ITPR3: variants seen among roughly 807,000 people sequenced by gnomAD.
The protein encoded by ITPR3 is inositol 1,4,5-trisphosphate receptor type 3.
Under a neutral mutation model 293.2 loss-of-function variants are expected in ITPR3, and 173 were observed. The ratio of observed to expected loss-of-function variants is 0.59; its 90% confidence interval spans 0.52 to 0.67. ITPR3 has a LOEUF of 0.67. Among genes scored for constraint, ITPR3 ranks in the 30% least tolerant of loss-of-function variants. ITPR3 has a pLI of 0.00. For missense variants in ITPR3, 2,796 were observed against 3,592.1 expected (o/e 0.78, Z 5.66); for synonymous variants, 1,295 against 1,444.4 (o/e 0.90, Z 2.35).
At position 33,691,607 on chromosome 6, in the gene ITPR3, C is replaced by G; in HGVS notation, c.7226-8C>G. ...ACCTCCTGATGATCTCATCCATATC[C>G]CCTCCAGCCAGCCCCCTGGGGATGC... On this transcript the variant is annotated splice_region_variant and splice_polypyrimidine_tract_variant and intron_variant, in intron 52 of 57. Transcript: ENST00000605930. This position sits in a 1 kb window ranked among gnomAD's most constrained non-coding sequence, Gnocchi z 4.9. 1 of 1,612,372 alleles carries G rather than the reference C, an allele frequency of 6.2e-7. No individual in the cohort carries two copies.
At position 33,684,667 on chromosome 6, in the gene ITPR3, C is replaced by A; in HGVS notation, c.5116C>A (p.Leu1706Ile). 6.2e-7 allele frequency: 1 copy of A among 1,614,066 alleles called. No homozygotes were observed. Among genetic ancestry groups the A allele is most frequent in the South Asian group, 1.1e-5 (1 of 91,074 alleles). Reference sequence around the variant, plus strand: ...CCGGAAGTCCACCTCGCGGGGGGACCTTCCCGACCCCATAGGCACTGGTCA... The same window carrying A: ...CCGGAAGTCCACCTCGCGGGGGGACATTCCCGACCCCATAGGCACTGGTCA... Reference protein sequence around the residue: ...QNRKSTSRGDLPDPIGTGLDP... With the variant: ...QNRKSTSRGDIPDPIGTGLDP... The change falls in exon 38 of 58, where the codon CTT becomes ATT. Residue 1706 changes from leucine (L) to isoleucine (I), a missense_variant. Coordinates refer to ENST00000605930, the MANE Select transcript of ITPR3 (RefSeq NM_002224.4). The surrounding 1 kb of genome is among the most constrained non-coding windows in gnomAD (Gnocchi z 4.2).
In ITPR3 at chr6:33,692,766, G is replaced by A. The variant is rs1561884818; in HGVS notation, c.7497G>A (p.Leu2499=). 6 of 1,613,986 alleles carry A rather than the reference G, an allele frequency of 3.7e-6. No individual in the cohort carries two copies. The highest frequency in any genetic ancestry group is 1.1e-5 in the South Asian group (1 of 91,076). The change falls in exon 55 of 58, where the codon CTG becomes CTA. Residue 2499 remains leucine (L), a synonymous_variant. Coordinates refer to ENST00000605930, the MANE Select transcript of ITPR3 (RefSeq NM_002224.4). This position sits in a 1 kb window ranked among gnomAD's most constrained non-coding sequence, Gnocchi z 4.2. Reference sequence around the variant, plus strand: ...CAGCCCGAGTGGTCTATGACCTCCTGTTCTTCTTCATCGTCATCATCATTG... The same window carrying A: ...CAGCCCGAGTGGTCTATGACCTCCTATTCTTCTTCATCGTCATCATCATTG... ...LFPARVVYDL[L]FFFIVIIIVL...
intron 56 of ITPR3, chr6:33,694,507 C>A: frequency 4.2e-6 from 1 of 240,744 alleles, no homozygotes; most frequent in South Asian, 4.6e-5. Context: ...AATTTGCCAT[C>A]TGTCTGACTC....
Position 33,671,285 on chromosome 6 carries a change from C to G in ITPR3, c.2707C>G (p.Gln903Glu), listed in dbSNP as rs774978845. The change falls in exon 21 of 58, where the codon CAG (glutamine) becomes GAG (glutamate). Residue 903 changes from glutamine to glutamate, a missense_variant. Transcript: ENST00000605930. ...TGTGCAGGGGCCCCCGGCCATGCTG[C>G]AGGCCTATGAGGACCCCGGTGGTGA... ...DCVQGPPAML[Q>E]AYEDPGGKNV... 3.1e-6 allele frequency: 5 copies of G among 1,613,114 alleles called. No individual in the cohort carries two copies. The African/African-American group carries it at 6.7e-5, about 22-fold the overall frequency.
intron 1 of ITPR3, among the ~76,000 whole-genome samples, chr6:33,622,122 T>C (rs888157295): frequency 1.3e-5 from 2 of 152,100 alleles, no homozygotes; most frequent in Non-Finnish European, 2.9e-5. Context: ...AATCCTCTAT[T>C]ACCGATCCCG....
chr6:33,694,404 C>CCG (rs866898), intron 56 of ITPR3: 1 of 131,120 alleles, frequency 7.6e-6, no homozygotes, highest in Non-Finnish European at 1.8e-5. Context: ...GGTGCCCCCT[C>CCG]CCCCCCCGAC....
chr6:33,664,969 G>A lies in ITPR3; in HGVS notation c.1248G>A (p.Met416Ile). The change falls in exon 12 of 58, where the codon ATG becomes ATA. Residue 416 changes from methionine to isoleucine, a missense_variant and splice_region_variant. Coordinates refer to ENST00000605930, the MANE Select transcript of ITPR3 (RefSeq NM_002224.4). This position sits in a 1 kb window ranked among gnomAD's most constrained non-coding sequence, Gnocchi z 4.4. ...DIEEERPIRL[M>I]LGTCPTKEDK... ...AGGAGGAGCGGCCCATCCGGCTCAT[G>A]GTGCGTGTCCCTGGGGTGGGGGTGG... 1 of 1,613,876 alleles carries A rather than the reference G, an allele frequency of 6.2e-7. No homozygotes were observed. Among genetic ancestry groups the A allele is most frequent in the African/African-American group, 1.3e-5 (1 of 75,052 alleles).
At position 33,664,012 on chromosome 6, in the gene ITPR3, C is replaced by A; in HGVS notation, c.1148+132C>A. On this transcript the variant is annotated intron_variant, in intron 11 of 57. Transcript: ENST00000605930. The surrounding 1 kb of genome is among the most constrained non-coding windows in gnomAD (Gnocchi z 4.4). ...TTAGCCTCTGGGGTCTCTGTAGGTC[C>A]CATCCCTCTGGGGATCTAGCTCTGA... is the stretch of plus-strand genomic sequence containing the variant. 1 of 1,111,314 alleles carries A rather than the reference C, an allele frequency of 9.0e-7. No homozygotes were observed. Among genetic ancestry groups the A allele is most frequent in the Non-Finnish European group, 1.3e-6 (1 of 789,744 alleles). 68.8% of individuals were successfully genotyped at this position (1,111,314 alleles called of 1,614,324 possible).
Position 33,685,771 on chromosome 6 carries a change from C to A in ITPR3, c.5611C>A (p.Gln1871Lys). 6.3e-7 allele frequency: 1 copy of A among 1,599,286 alleles called. No homozygotes were observed. The highest frequency in any genetic ancestry group is 8.5e-7 in the Non-Finnish European group (1 of 1,170,660). ...SEMGTSVLIM[Q>K]PILRFLQLLC... ...GATGGGCACATCCGTGCTCATCATG[C>A]AGCCCATCCTGCGCTTTCTGCAGCT... The change falls in exon 41 of 58, where the codon CAG (glutamine) becomes AAG (lysine). Residue 1871 changes from glutamine (Q) to lysine (K), a missense_variant. Gln to Lys is a moderately conservative substitution (Grantham distance 53). Around this residue, in one of 8 missense-constraint regions of ITPR3, gnomAD observed 704 missense variants for 797.5 expected, o/e 0.88. Coordinates refer to ENST00000605930, the MANE Select transcript of ITPR3 (RefSeq NM_002224.4).
At chr6:33,647,290 T>C (rs1764091010) in intron 2 of ITPR3, among the ~76,000 whole-genome samples, 1 of 152,166 alleles carries the variant, frequency 6.6e-6, no homozygotes, top group South Asian at 2.1e-4. Flanking sequence ...CCTCCCAGAA[T>C]ATTGGGATTA....
chr6:33,635,884 G>A (rs893746411), intron 1 of ITPR3, among the ~76,000 whole-genome samples: 1 of 151,972 alleles, frequency 6.6e-6, no homozygotes, highest in Non-Finnish European at 1.5e-5. Context: ...ATGTGAGGGG[G>A]TGGACCACGT....
Position 33,672,547 on chromosome 6 carries a change from T to TA in ITPR3, c.2928+327dup, listed in dbSNP as rs933007621. On this transcript the variant is annotated intron_variant, in intron 22 of 57. Coordinates refer to ENST00000605930, the MANE Select transcript of ITPR3 (RefSeq NM_002224.4). This position sits in a 1 kb window ranked among gnomAD's most constrained non-coding sequence, Gnocchi z 5.0. ...TGCCTGGGTGAGACCCCGTCTCTAT[T>TA]AAAAAAAATAGTAATAACGATAAAT... Among the ~76,000 whole-genome samples the TA allele has an allele frequency of 4.0e-5, 6 of 151,672 alleles. No individual in the cohort carries two copies. The highest frequency in any genetic ancestry group is 7.3e-5 in the African/African-American group (3 of 41,242).
chr6:33,648,212 TG>T (rs1387642800), intron 2 of ITPR3, among the ~76,000 whole-genome samples: 1 of 151,606 alleles, frequency 6.6e-6, no homozygotes, highest in Non-Finnish European at 1.5e-5. Flanking sequence ...ATTACAGGTG[TG>T]CGTCACCACG....
chr6:33,658,851 A>C lies in ITPR3; in HGVS notation c.528+23A>C, dbSNP rs1206990030. The C allele has an allele frequency of 6.2e-7, 1 of 1,613,100 alleles. No individual in the cohort carries two copies. Among genetic ancestry groups the C allele is most frequent in the Non-Finnish European group, 8.5e-7 (1 of 1,179,460 alleles). ...AACGTGAGGGCAGGGCCAGGGTTGG[A>C]GGGGCCTGGTGGAACTCCCGAGGGG... On this transcript the variant is annotated intron_variant, in intron 5 of 57. Transcript: ENST00000605930. The surrounding 1 kb of genome is among the most constrained non-coding windows in gnomAD (Gnocchi z 6.1).
rs761643926 is a variant in ITPR3, at chr6:33,684,691, C to A, written c.5137+3C>A. On this transcript the variant is annotated splice_donor_region_variant and intron_variant, in intron 38 of 57. Coordinates refer to ENST00000605930, the MANE Select transcript of ITPR3 (RefSeq NM_002224.4). This position sits in a 1 kb window ranked among gnomAD's most constrained non-coding sequence, Gnocchi z 4.2. Reference sequence around the variant, plus strand: ...CCTTCCCGACCCCATAGGCACTGGTCAGTATCACCTTCCCCTGCCCCCGGG... The same window carrying A: ...CCTTCCCGACCCCATAGGCACTGGTAAGTATCACCTTCCCCTGCCCCCGGG... 8 of 1,613,834 alleles carry A rather than the reference C, an allele frequency of 5.0e-6. No homozygotes were observed. Among genetic ancestry groups the A allele is most frequent in the Non-Finnish European group, 6.8e-6 (8 of 1,179,918 alleles).
rs1026312780 is a variant in ITPR3 at position 33,675,291 on chromosome 6, A to G, written c.3117-400A>G. Among the ~76,000 whole-genome samples the G allele has an allele frequency of 7.2e-5, 11 of 152,236 alleles. No individual in the cohort carries two copies. Among genetic ancestry groups the G allele is most frequent in the Admixed American group, 4.6e-4 (7 of 15,292 alleles). ...ACAAAAATTAGCCGGGTGTGTTGGC[A>G]CACACTGGTAATTCCAGCTACTCAG... On this transcript the variant is annotated intron_variant, in intron 24 of 57. Coordinates refer to ENST00000605930, the MANE Select transcript of ITPR3 (RefSeq NM_002224.4). The surrounding 1 kb of genome is among the most constrained non-coding windows in gnomAD (Gnocchi z 5.0).
chr6:33,666,616 T>TTC lies in ITPR3; in HGVS notation c.1552-512_1552-511insCT, dbSNP rs2127276268. ...TCTTTGTAAAGTTTGTTTTTTTTTT[T>TTC]TTAGAAACGAGGATCCAATTAAGGT... On this transcript the variant is annotated intron_variant, in intron 14 of 57. Coordinates refer to ENST00000605930, the MANE Select transcript of ITPR3 (RefSeq NM_002224.4). The surrounding 1 kb of genome is among the most constrained non-coding windows in gnomAD (Gnocchi z 5.1). Among the ~76,000 whole-genome samples, 1 of 152,228 alleles carries TTC rather than the reference T, an allele frequency of 6.6e-6. No homozygotes were observed. Among genetic ancestry groups the TTC allele is most frequent in the African/African-American group, 2.4e-5 (1 of 41,518 alleles).
At chr6:33,634,279 T>C (rs1365973451) in intron 1 of ITPR3, among the ~76,000 whole-genome samples, 2 of 151,888 alleles carry the variant, frequency 1.3e-5, no homozygotes, top group African/African-American at 4.8e-5. Context: ...TTCTGGAGAA[T>C]AAAACAAGGA....
At chr6:33,657,887 A>G (rs553764730) in intron 3 of ITPR3, 45 bp from the exon 4 acceptor site, 1 of 1,558,160 alleles carries the variant, frequency 6.4e-7, no homozygotes, top group East Asian at 2.3e-5. Flanking sequence ...TTCCTCTAGG[A>G]GCAGCTTCTG....
Sources: allele counts gnomAD v4.1 joint callset (sites outside exome capture counted in the v4.1 genomes callset), GRCh38; gene constraint gnomAD v4.1.1; regional missense constraint gnomAD v4.1.1; non-coding constraint Gnocchi (gnomAD v3.1); transcripts MANE v1.5; gene names NCBI Gene and HGNC (gene_info 2026-07-23, HGNC 2026-07-21).